The following OCRL variants were observed in gnomAD, a reference collection of about 807,000 sequenced individuals.
The protein encoded by OCRL is OCRL inositol polyphosphate-5-phosphatase.
A neutral mutation model predicts 78.9 loss-of-function variants in OCRL; 8 were observed. That is an observed-to-expected ratio of 0.10 (90% CI 0.06 to 0.18). The LOEUF is 0.18. Among genes scored for constraint, OCRL ranks in the 10% least tolerant of loss-of-function variants. OCRL has a pLI of 1.00. For synonymous variants in OCRL, 240 were observed against 235.4 expected (o/e 1.02, Z -0.18); for missense variants, 454 against 696.7 (o/e 0.65, Z 3.92).
rs1936548842 is a variant in OCRL at position 129,588,779 on chromosome X, A to G, written c.2342-107A>G. The stretch of plus-strand genomic sequence containing the variant: ...CCCCATTAGGATCAATGTGCCCTGA[A>G]TAAGAGGAGGGAAACAGTCCCTGTA... On this transcript the variant is annotated intron_variant, in intron 21 of 23. Coordinates refer to ENST00000371113, the MANE Select transcript of OCRL (RefSeq NM_000276.4). 5.3e-6 allele frequency: 5 copies of G among 952,068 alleles called. No individual in the cohort carries two copies. In the African/African-American group the frequency reaches 5.7e-5, roughly 11 times the overall value. The allele number at this position is 952,068 out of a possible 1,213,427, so 78.5% of individuals were successfully genotyped here.
chrX:129,590,007 C>T, intron 23 of OCRL, 51 bp downstream of exon 23: 1 of 1,121,124 alleles, frequency 8.9e-7, no homozygotes, highest in Non-Finnish European at 1.2e-6. Context: ...ACTCTTAGTG[C>T]ATTGTATCCA....
rs3131282 is a variant in OCRL, at chrX:129,587,339, T to C, written c.2256+221T>C. ...ACTAAGACAAAGGCCTAAGTGTAGT[T>C]GTGGCAGAGCCAGGACCAAATTAAG... On this transcript the variant is annotated intron_variant, in intron 20 of 23. Transcript: ENST00000371113. 0.25 allele frequency among the ~76,000 whole-genome samples: 27,776 copies of C among 110,567 alleles called. 6,556 individuals carry two copies. The highest frequency in any genetic ancestry group is 0.73 in the East Asian group (2,503 of 3,414).
rs1429626317 is a variant in OCRL at position 129,560,526 on chromosome X, T to C, written c.723-24T>C. The C allele has an allele frequency of 2.9e-6, 3 of 1,029,090 alleles. No homozygotes were observed. The East Asian group carries it at 9.2e-5, about 32-fold the overall frequency. The allele number at this position is 1,029,090 out of a possible 1,213,427, so 84.8% of individuals were successfully genotyped here. ...TTTATACTTGATCTTTGTTTTCAAA[T>C]TATCTTTTCGTATTATGTATTAGAT... On this transcript the variant is annotated intron_variant, in intron 8 of 23. Coordinates refer to ENST00000371113, the MANE Select transcript of OCRL (RefSeq NM_000276.4).
chrX:129,588,896 C>T lies in OCRL; in HGVS notation c.2352C>T (p.Asn784=). 8.3e-7 allele frequency: 1 copy of T among 1,211,685 alleles called. No individual in the cohort carries two copies. Among genetic ancestry groups the T allele is most frequent in the Non-Finnish European group, 1.1e-6 (1 of 895,460 alleles). The change falls in exon 22 of 24, where the codon AAC becomes AAT. Residue 784 remains asparagine, a synonymous_variant. Coordinates refer to ENST00000371113, the MANE Select transcript of OCRL (RefSeq NM_000276.4). ...TSIPETIPGS[N]HSVAEALLIF... is the part of the protein sequence containing the mutation. ...CTTAAGTTGATTCAGCTGGCAGCAACCACTCTGTGGCTGAAGCACTGCTCA... is the reference window on the plus strand; with the variant it reads ...CTTAAGTTGATTCAGCTGGCAGCAATCACTCTGTGGCTGAAGCACTGCTCA...
In OCRL at chrX:129,590,146, C is replaced by T; in HGVS notation, c.2582C>T (p.Ala861Val). ...CGCTTGTCTTTCTCTCGTCTTGTAG[C>T]TACTCTCTTCACTAGTCTTCTCCTG... ...EYNSVNANMI[A>V]TLFTSLLLRP... The change falls in exon 24 of 24, where the codon GCT becomes GTT. Residue 861 changes from alanine (A) to valine (V), a missense_variant and splice_region_variant. Physicochemically the swap from Ala to Val is moderately conservative, Grantham distance 64. Transcript: ENST00000371113. The T allele has an allele frequency of 8.3e-7, 1 of 1,211,556 alleles. No homozygotes were observed. Among genetic ancestry groups the T allele is most frequent in the Non-Finnish European group, 1.1e-6 (1 of 895,426 alleles).
At chrX:129,561,612 AC>A (rs1333125285) in intron 10 of OCRL, among the ~76,000 whole-genome samples, 1 of 112,462 alleles carries the variant, frequency 8.9e-6, no homozygotes, top group East Asian at 2.8e-4. Context: ...TGAATGCTTT[AC>A]AGAAAAGCAA....
rs1936592254 is a variant in OCRL, at chrX:129,591,870, GA to G, written c.*1602del. On this transcript the variant is annotated 3_prime_UTR_variant, in exon 24 of 24. Transcript: ENST00000371113. ...GGCTAGGTGTTGAACTTAGTTAATG[GA>G]AGACTGAGAGCAGAACAGGTTTGTC... 1.8e-5 allele frequency: 2 copies of G among 113,352 alleles called. No individual in the cohort carries two copies. Among genetic ancestry groups the G allele is most frequent in the Admixed American group, 1.9e-4 (2 of 10,436 alleles). The allele number at this position is 113,352 out of a possible 1,213,427, so 9.3% of individuals were successfully genotyped here.
intron 3 of OCRL, among the ~76,000 whole-genome samples, chrX:129,547,587 A>G (rs1411573393): frequency 9.0e-6 from 1 of 110,943 alleles, no homozygotes; most frequent in Non-Finnish European, 1.9e-5. Flanking sequence ...TACAGAACTA[A>G]AAGTTAATGA....
Position 129,588,238 on chromosome X carries a change from G to A in OCRL, c.2316G>A (p.Leu772=), listed in dbSNP as rs1569463647. The change falls in exon 21 of 24, where the codon CTG becomes CTA. Residue 772 remains leucine, a synonymous_variant. Coordinates refer to ENST00000371113, the MANE Select transcript of OCRL (RefSeq NM_000276.4). ...AGCTCCAGCAGATCATTGATTGTCT[G>A]GATACCAGCATTCCTGAGACAATCC... is the stretch of plus-strand genomic sequence containing the variant. ...QEELQQIIDC[L]DTSIPETIPG... 1 of 1,205,148 alleles carries A rather than the reference G, an allele frequency of 8.3e-7. No individual in the cohort carries two copies.
intron 5 of OCRL, 60 bp from the exon 6 acceptor site, chrX:129,557,801 T>C: frequency 1.3e-6 from 1 of 783,000 alleles, no homozygotes; most frequent in Non-Finnish European, 2.0e-6. Flanking sequence ...CTTTTGGCTA[T>C]AGTAAATTCT....
intron 18 of OCRL, among the ~76,000 whole-genome samples, chrX:129,582,223 T>C (rs1351726442): frequency 9.0e-6 from 1 of 111,295 alleles, no homozygotes; most frequent in Admixed American, 9.6e-5. Context: ...TAAAATTCTG[T>C]GAGTCTTTTA....
At chrX:129,547,263 G>GTGA (rs1935892673) in intron 3 of OCRL, among the ~76,000 whole-genome samples, 3 of 109,763 alleles carry the variant, frequency 2.7e-5, no homozygotes, top group Non-Finnish European at 5.7e-5. Context: ...CGGTGGCTCA[G>GTGA]GCCTGTAATC....
intron 3 of OCRL, among the ~76,000 whole-genome samples, chrX:129,547,499 T>C (rs1371235625): frequency 1.2e-5 from 1 of 86,112 alleles, no homozygotes; most frequent in African/African-American, 4.8e-5. Flanking sequence ...CACTCCAGCC[T>C]GGGTGACAGA....
intron 4 of OCRL, 125 bp downstream of exon 4, chrX:129,548,726 G>T (rs928255442): frequency 3.5e-6 from 2 of 574,347 alleles, no homozygotes; most frequent in African/African-American, 4.5e-5. Context: ...GTCTCCTGTA[G>T]CAGCCATACA....
At chrX:129,586,530 G>A (rs1323030964) in intron 19 of OCRL, among the ~76,000 whole-genome samples, 3 of 112,252 alleles carry the variant, frequency 2.7e-5, no homozygotes, top group Non-Finnish European at 5.6e-5. Context: ...AATCAACATT[G>A]AAAACAAACA....
chrX:129,564,516 A>G (rs1342370493), intron 12 of OCRL, among the ~76,000 whole-genome samples: 1 of 111,121 alleles, frequency 9.0e-6, no homozygotes, highest in Non-Finnish European at 1.9e-5. Context: ...TGTGGCACAT[A>G]TACACCATGG....
At chrX:129,584,446 T>G in intron 19 of OCRL, 79 bp downstream of exon 19, 1 of 984,969 alleles carries the variant, frequency 1.0e-6, no homozygotes, top group Non-Finnish European at 1.5e-6. Context: ...AATTTGTCCC[T>G]AGGCTTTCCC....
chrX:129,576,848 T>G (rs1021387181), intron 18 of OCRL, among the ~76,000 whole-genome samples: 1 of 111,658 alleles, frequency 9.0e-6, no homozygotes, highest in Non-Finnish European at 1.9e-5. Flanking sequence ...CTTCATACTC[T>G]CAAGTCACTT....
intron 3 of OCRL, among the ~76,000 whole-genome samples, chrX:129,548,126 T>C (rs1935914219): frequency 1.8e-5 from 2 of 112,038 alleles, no homozygotes; most frequent in African/African-American, 6.5e-5. Context: ...AGAATAGATC[T>C]GAGTTAAGAA....
Sources: gnomAD v4.1 joint callset for allele counts (sites outside exome capture counted in the v4.1 genomes callset) on GRCh38, gnomAD v4.1.1 for gene constraint, MANE v1.5 for transcripts, NCBI Gene and HGNC (gene_info 2026-07-23, HGNC 2026-07-21) for gene names.